Variants in DCC observed in about 807,000 individuals in gnomAD.
DCC encodes the protein DCC netrin 1 receptor, also known as netrin receptor DCC.
In DCC, 58 loss-of-function variants were observed where a neutral mutation model predicts 172.5. That is an observed-to-expected ratio of 0.34 (90% CI 0.27 to 0.42). The LOEUF is 0.42. Ranked by LOEUF, DCC falls within the 10% of genes least tolerant of loss-of-function variation. The pLI is 1.00. For missense variants in DCC, 1,740 were observed against 1,791.0 expected (o/e 0.97, Z 0.51); for synonymous variants, 709 against 644.5 (o/e 1.10, Z -1.52).
chr18:52,927,755 A>C (rs1226061117), intron 5 of DCC, among the ~76,000 whole-genome samples: 1 of 152,144 alleles, frequency 6.6e-6, no homozygotes, highest in African/African-American at 2.4e-5. Context: ...AAGGTCAAAA[A>C]ATAACAGATA....
Position 53,386,035 on chromosome 18 carries a change from T to C in DCC, c.2360-8T>C. The stretch of plus-strand genomic sequence containing the variant: ...AACACGTTCATATTGTTTCTGTTTT[T>C]TCTCCAGAGTCAAGTTCCCATTATG... On this transcript the variant is annotated splice_polypyrimidine_tract_variant and splice_region_variant and intron_variant, in intron 15 of 28. Transcript: ENST00000442544. 1 of 1,575,970 alleles carries C rather than the reference T, an allele frequency of 6.3e-7. No homozygotes were observed. The highest frequency in any genetic ancestry group is 8.7e-7 in the Non-Finnish European group (1 of 1,145,348).
intron 5 of DCC, among the ~76,000 whole-genome samples, chr18:52,930,537 G>T (rs1276229695): frequency 1.3e-5 from 2 of 152,144 alleles, no homozygotes; most frequent in African/African-American, 4.8e-5. Context: ...CTCACTGGCA[G>T]AGCAAAACTT....
chr18:52,351,252 A>T (rs1984108232), intron 1 of DCC, among the ~76,000 whole-genome samples: 1 of 152,182 alleles, frequency 6.6e-6, no homozygotes, highest in Non-Finnish European at 1.5e-5. Flanking sequence ...AGAACTAAAC[A>T]TAATAATGGC....
chr18:53,161,306 C>A (rs2054835984), intron 8 of DCC, among the ~76,000 whole-genome samples: 1 of 152,184 alleles, frequency 6.6e-6, no homozygotes, highest in African/African-American at 2.4e-5. Context: ...GGACAATCAG[C>A]AAATTTTGTC....
At chr18:52,751,037 G>T (rs962098944) in intron 1 of DCC, among the ~76,000 whole-genome samples, 7 of 152,090 alleles carry the variant, frequency 4.6e-5, no homozygotes, top group Non-Finnish European at 2.9e-5. Context: ...GGAGAAAATG[G>T]GATTAAACAT....
chr18:53,313,955 C>G (rs2057314464), intron 13 of DCC, among the ~76,000 whole-genome samples: 1 of 152,176 alleles, frequency 6.6e-6, no homozygotes, highest in Non-Finnish European at 1.5e-5. Context: ...TTTGAAAAAT[C>G]AAGAAAGTAA....
intron 1 of DCC, among the ~76,000 whole-genome samples, chr18:52,479,241 T>G (rs138058762): frequency 6.8e-4 from 104 of 152,340 alleles, no homozygotes; most frequent in African/African-American, 2.3e-3. Context: ...TTTCTCTTCT[T>G]AAGAGGATGG....
At chr18:53,351,689 A>C (rs894253577) in intron 15 of DCC, among the ~76,000 whole-genome samples, 1 of 151,188 alleles carries the variant, frequency 6.6e-6, no homozygotes, top group African/African-American at 2.4e-5. Context: ...AAATTCAAGC[A>C]TTCAAAGAAT....
chr18:52,391,876 G>A (rs908284005), intron 1 of DCC, among the ~76,000 whole-genome samples: 7 of 152,258 alleles, frequency 4.6e-5, no homozygotes, highest in African/African-American at 9.6e-5. Flanking sequence ...TTTGGAAGGC[G>A]TCTTACAGTT....
chr18:52,953,223 A>C (rs1279828728), intron 5 of DCC, among the ~76,000 whole-genome samples: 1 of 152,168 alleles, frequency 6.6e-6, no homozygotes, highest in Non-Finnish European at 1.5e-5. Context: ...AAATATTTCA[A>C]AGTCATTGTG....
chr18:53,256,302 G>C (rs899934725), intron 12 of DCC, among the ~76,000 whole-genome samples: 4 of 152,164 alleles, frequency 2.6e-5, no homozygotes, highest in African/African-American at 9.7e-5. Flanking sequence ...CCTATGCCCC[G>C]AATGGCATTG....
intron 5 of DCC, among the ~76,000 whole-genome samples, chr18:53,018,130 G>T (rs1165222610): frequency 6.6e-6 from 1 of 152,068 alleles, no homozygotes; most frequent in Non-Finnish European, 1.5e-5. Context: ...TAACAAACAT[G>T]CACATTCTGC....
chr18:52,501,820 A>G (rs1026895417), intron 1 of DCC, among the ~76,000 whole-genome samples: 1 of 152,194 alleles, frequency 6.6e-6, no homozygotes, highest in Non-Finnish European at 1.5e-5. Flanking sequence ...GATAGAAAAC[A>G]GACTAAGGTA....
At chr18:53,032,641 A>T (rs956313874) in intron 5 of DCC, among the ~76,000 whole-genome samples, 3 of 152,240 alleles carry the variant, frequency 2.0e-5, no homozygotes, top group Middle Eastern at 3.4e-3. Context: ...ATAATTTTGC[A>T]TTTATATGGA....
At chr18:52,730,239 G>C (rs547447969) in intron 1 of DCC, among the ~76,000 whole-genome samples, 24 of 152,250 alleles carry the variant, frequency 1.6e-4, no homozygotes, top group African/African-American at 5.3e-4. Flanking sequence ...ACTGGAGAGG[G>C]AGAAGGGAAA....
intron 5 of DCC, among the ~76,000 whole-genome samples, chr18:52,996,187 T>C (rs1299363144): frequency 6.6e-6 from 1 of 151,994 alleles, no homozygotes; most frequent in Admixed American, 6.6e-5. Flanking sequence ...GCATACACCA[T>C]ACAGTGCCAC....
At chr18:52,395,480 C>T (rs539315262) in intron 1 of DCC, among the ~76,000 whole-genome samples, 1 of 151,864 alleles carries the variant, frequency 6.6e-6, no homozygotes, top group Non-Finnish European at 1.5e-5. Context: ...TAAACAGCTT[C>T]GGGGTTGGTA....
chr18:53,068,285 T>C (rs541878323), intron 7 of DCC, among the ~76,000 whole-genome samples: 13 of 152,268 alleles, frequency 8.5e-5, no homozygotes, highest in African/African-American at 2.9e-4. Context: ...TATTATACTT[T>C]AAGTTTTAGG....
chr18:53,091,747 A>T (rs1287032181), intron 7 of DCC, among the ~76,000 whole-genome samples: 1 of 152,032 alleles, frequency 6.6e-6, no homozygotes, highest in Non-Finnish European at 1.5e-5. Context: ...GGAGGTTAGG[A>T]TTTCAACATC....
Sources: allele counts gnomAD v4.1 joint callset (sites outside exome capture counted in the v4.1 genomes callset), GRCh38; gene constraint gnomAD v4.1.1; transcripts MANE v1.5; gene names NCBI Gene and HGNC (gene_info 2026-07-23, HGNC 2026-07-21).